Variants in KDM1B observed in about 807,000 individuals in gnomAD.
KDM1B encodes lysine-specific histone demethylase 2.
KDM1B carries 63 observed loss-of-function variants against 107.4 expected under a neutral mutation model. The ratio of observed to expected loss-of-function variants is 0.59; its 90% CI spans 0.48 to 0.72. The LOEUF is 0.72. KDM1B is among the 30% of genes least tolerant of loss of function. The pLI, the probability that KDM1B is intolerant of heterozygous loss-of-function variation, is 0.00. For synonymous variants in KDM1B, 363 were observed against 363.9 expected (o/e 1.00, Z 0.03); for missense variants, 749 against 1,020.8 (o/e 0.73, Z 3.63).
At position 18,200,781 on chromosome 6, in the gene KDM1B, A is replaced by G. The variant is rs1037632158; in HGVS notation, c.1359+205A>G. On this transcript the variant is annotated intron_variant, in intron 13 of 21. Coordinates refer to ENST00000650836, the MANE Select transcript of KDM1B (RefSeq NM_001364614.2). The surrounding 1 kb of genome is among the most constrained non-coding windows in gnomAD (Gnocchi z 4.3). ...ATACTTTTTTTCCTTTTTCTAAGCT[A>G]TTTAATTTTATTTCCTTGTTCTTTG... 1.3e-5 allele frequency among the ~76,000 whole-genome samples: 2 copies of G among 152,114 alleles called. No individual in the cohort carries two copies. The highest frequency in any genetic ancestry group is 4.8e-5 in the African/African-American group (2 of 41,428).
rs535288600 is a variant in KDM1B at position 18,212,438 on chromosome 6, T to C, written c.1867-50T>C. On this transcript the variant is annotated intron_variant, in intron 17 of 21. Transcript: ENST00000650836. The surrounding 1 kb of genome is among the most constrained non-coding windows in gnomAD (Gnocchi z 5.2). The stretch of plus-strand genomic sequence containing the variant: ...GTTGTTGATACCAGTGTAGTGGTAG[T>C]GTGAGGTTCTGTTGCTGTTTGTTTG... 1.9e-6 allele frequency: 2 copies of C among 1,038,422 alleles called. No individual in the cohort carries two copies. Among genetic ancestry groups the C allele is most frequent in the Non-Finnish European group, 3.1e-6 (2 of 654,694 alleles). 64.3% of individuals were successfully genotyped at this position (1,038,422 alleles called of 1,614,324 possible).
At chr6:18,202,223 GC>G (rs1329844136) in intron 14 of KDM1B, among the ~76,000 whole-genome samples, 1 of 147,034 alleles carries the variant, frequency 6.8e-6, no homozygotes, top group Admixed American at 6.7e-5. Flanking sequence ...AACATAGTGA[GC>G]CTTGTGTCTA....
In KDM1B at chr6:18,209,836, CAGTGACCTTTTCTGT is replaced by C. The variant is rs1197072641; in HGVS notation, c.1866+1632_1866+1646del. Among the ~76,000 whole-genome samples, 8 of 152,218 alleles carry C rather than the reference CAGTGACCTTTTCTGT, an allele frequency of 5.3e-5. No homozygotes were observed. The highest frequency in any genetic ancestry group is 1.9e-4 in the African/African-American group (8 of 41,456). ...CAGCCGTGGTTGAGAACCTTGTCTG[CAGTGACCTTTTCTGT>C]AAGCTCTTAATAGGTTTTGCCTGGT... is the stretch of plus-strand genomic sequence containing the variant. On this transcript the variant is annotated intron_variant, in intron 17 of 21. Coordinates refer to ENST00000650836, the MANE Select transcript of KDM1B (RefSeq NM_001364614.2). The surrounding 1 kb of genome is among the most constrained non-coding windows in gnomAD (Gnocchi z 4.3).
At chr6:18,184,317 C>T (rs1786688462) in intron 7 of KDM1B, among the ~76,000 whole-genome samples, 1 of 142,324 alleles carries the variant, frequency 7.0e-6, no homozygotes, top group Non-Finnish European at 1.5e-5. Flanking sequence ...CTTTGTCGCC[C>T]AGGCTGGAGT....
Position 18,162,671 on chromosome 6 carries a change from G to T in KDM1B, c.216-164G>T, listed in dbSNP as rs1160151539. On this transcript the variant is annotated intron_variant, in intron 4 of 21. Coordinates refer to ENST00000650836, the MANE Select transcript of KDM1B (RefSeq NM_001364614.2). The surrounding 1 kb of genome is among the most constrained non-coding windows in gnomAD (Gnocchi z 4.1). ...CTAAGTCCCTGCATCCTTCCTGTGTGTTATTATCTACTAGTAATCCATTCC... is the reference window on the plus strand; with the variant it reads ...CTAAGTCCCTGCATCCTTCCTGTGTTTTATTATCTACTAGTAATCCATTCC... 6.6e-6 allele frequency among the ~76,000 whole-genome samples: 1 copy of T among 152,144 alleles called. No individual in the cohort carries two copies. Among genetic ancestry groups the T allele is most frequent in the Non-Finnish European group, 1.5e-5 (1 of 68,034 alleles).
Position 18,208,126 on chromosome 6 carries a change from G to T in KDM1B, c.1792-6G>T. The T allele has an allele frequency of 6.2e-7, 1 of 1,610,492 alleles. No individual in the cohort carries two copies. Among genetic ancestry groups the T allele is most frequent in the South Asian group, 1.1e-5 (1 of 90,888 alleles). ...TCACTTTTTTTCATAATTGCTTTTT[G>T]AGCAGGTGCAGTGTATTGATTATTC... is the stretch of plus-strand genomic sequence containing the variant. On this transcript the variant is annotated splice_region_variant and splice_polypyrimidine_tract_variant and intron_variant, in intron 16 of 21. Coordinates refer to ENST00000650836, the MANE Select transcript of KDM1B (RefSeq NM_001364614.2).
chr6:18,185,060 G>A (rs1786763844), intron 7 of KDM1B, among the ~76,000 whole-genome samples: 1 of 151,908 alleles, frequency 6.6e-6, no homozygotes, highest in Non-Finnish European at 1.5e-5. Context: ...TACAAATAAT[G>A]CTCCTTTGAA....
intron 20 of KDM1B, among the ~76,000 whole-genome samples, chr6:18,217,406 T>G: frequency 7.0e-6 from 1 of 142,862 alleles, no homozygotes; most frequent in Non-Finnish European, 1.5e-5. Flanking sequence ...TGAGATGGAG[T>G]CTGGCTCTGT....
intron 7 of KDM1B, among the ~76,000 whole-genome samples, chr6:18,176,392 A>G (rs1786011827): frequency 6.6e-6 from 1 of 152,166 alleles, no homozygotes. Context: ...CGATCATATC[A>G]TCAGCAAACA....
chr6:18,194,344 G>A (rs1342837876), intron 10 of KDM1B, among the ~76,000 whole-genome samples: 1 of 152,132 alleles, frequency 6.6e-6, no homozygotes, highest in Non-Finnish European at 1.5e-5. Flanking sequence ...CAACCATCTT[G>A]TCAGTCACAA....
At chr6:18,192,738 CAAAA>C (rs534083654) in intron 10 of KDM1B, among the ~76,000 whole-genome samples, 7 of 125,216 alleles carry the variant, frequency 5.6e-5, no homozygotes, top group Non-Finnish European at 1.2e-4. Flanking sequence ...GATCCCGTCT[CAAAA>C]AAAAAAAAAT....
In KDM1B at chr6:18,197,049, A is replaced by G; in HGVS notation, c.970-8A>G. ...AAAAAAGCAGTTTGGTTTTATTTCCAAACACAGGAAGCTCTTACTCCTCAG... is the reference window on the plus strand; with the variant it reads ...AAAAAAGCAGTTTGGTTTTATTTCCGAACACAGGAAGCTCTTACTCCTCAG... On this transcript the variant is annotated splice_polypyrimidine_tract_variant and splice_region_variant and intron_variant, in intron 10 of 21. Transcript: ENST00000650836. This position sits in a 1 kb window ranked among gnomAD's most constrained non-coding sequence, Gnocchi z 4.5. The G allele has an allele frequency of 6.3e-7, 1 of 1,587,282 alleles. No homozygotes were observed. The highest frequency in any genetic ancestry group is 8.6e-7 in the Non-Finnish European group (1 of 1,163,006).
intron 20 of KDM1B, among the ~76,000 whole-genome samples, chr6:18,215,712 T>C (rs939307556): frequency 1.2e-4 from 19 of 152,108 alleles, no homozygotes; most frequent in Non-Finnish European, 2.2e-4. Context: ...CTTCCTTCCT[T>C]TTTTTCTTCT....
chr6:18,197,100 G>A lies in KDM1B; in HGVS notation c.1013G>A (p.Arg338Gln), dbSNP rs189561999. ...AAATGTATTCCTCACATCATCGTCC[G>A]GGGTCTCGTGCGTATTCGATGCGTT... ...PQKCIPHIIV[R>Q]GLVRIRCVQE... Residue 338 changes from arginine (R) to glutamine (Q), a missense_variant, in exon 11 of 22, where the codon CGG becomes CAG. Coordinates refer to ENST00000650836, the MANE Select transcript of KDM1B (RefSeq NM_001364614.2). The surrounding 1 kb of genome is among the most constrained non-coding windows in gnomAD (Gnocchi z 4.5). The A allele has an allele frequency of 5.0e-6, 8 of 1,613,852 alleles. No individual in the cohort carries two copies. The highest frequency in any genetic ancestry group is 4.5e-5 in the East Asian group (2 of 44,878).
Position 18,159,739 on chromosome 6 carries a change from CAAAAG to C in KDM1B, c.-13-135_-13-131del, listed in dbSNP as rs778128625. Reference sequence around the variant, plus strand: ...CCTGGGCAACATGGCAAGAATGTCTCAAAAGAAAAGAAAGAAAACTGTAGCTTTGT... The same window carrying C: ...CCTGGGCAACATGGCAAGAATGTCTCAAAAGAAAGAAAACTGTAGCTTTGT... On this transcript the variant is annotated intron_variant, in intron 2 of 21. Coordinates refer to ENST00000650836, the MANE Select transcript of KDM1B (RefSeq NM_001364614.2). This position sits in a 1 kb window ranked among gnomAD's most constrained non-coding sequence, Gnocchi z 4.5. 3.9e-4 allele frequency: 232 copies of C among 596,130 alleles called. No individual in the cohort carries two copies. Among genetic ancestry groups the C allele is most frequent in the Non-Finnish European group, 6.1e-4 (212 of 345,140 alleles). 36.9% of individuals were successfully genotyped at this position (596,130 alleles called of 1,614,324 possible).
At chr6:18,188,648 C>G (rs375530218) in intron 9 of KDM1B, among the ~76,000 whole-genome samples, 1 of 152,098 alleles carries the variant, frequency 6.6e-6, no homozygotes, top group African/African-American at 2.4e-5. Context: ...GAGTCTCACT[C>G]TGTTGCCCAG....
At chr6:18,221,728 T>C (rs1022013536) in intron 21 of KDM1B, among the ~76,000 whole-genome samples, 181 bp from the exon 22 acceptor site, 1 of 152,204 alleles carries the variant, frequency 6.6e-6, no homozygotes, top group Non-Finnish European at 1.5e-5. Flanking sequence ...ATGAGTGAAT[T>C]TGACAATGCA....
chr6:18,165,297 A>AT (rs1785225592), intron 5 of KDM1B, among the ~76,000 whole-genome samples: 3 of 151,312 alleles, frequency 2.0e-5, no homozygotes, highest in Non-Finnish European at 4.4e-5. Context: ...CACCTGGCTA[A>AT]TTTTTTGTAT....
In KDM1B at chr6:18,215,109, C is replaced by T. The variant is rs201261463; in HGVS notation, c.2212C>T (p.Arg738Trp). The T allele has an allele frequency of 5.8e-5, 93 of 1,613,056 alleles. No individual in the cohort carries two copies. The highest frequency in any genetic ancestry group is 7.0e-5 in the Non-Finnish European group (82 of 1,179,776). ...QVLQQCMATL[R>W]ELFKEQEVPD... is the part of the protein sequence containing the mutation. ...GCTGCAGCAGTGCATGGCCACGCTC[C>T]GGGAGCTGTTCAAGGAGCAGGTGAG... Residue 738 changes from arginine (R) to tryptophan (W), a missense_variant, in exon 20 of 22, where the codon CGG becomes TGG. Arg to Trp is a moderately radical substitution (Grantham distance 101). Coordinates refer to ENST00000650836, the MANE Select transcript of KDM1B (RefSeq NM_001364614.2).
Sources: allele counts gnomAD v4.1 joint callset (sites outside exome capture counted in the v4.1 genomes callset), GRCh38; gene constraint gnomAD v4.1.1; non-coding constraint Gnocchi (gnomAD v3.1); transcripts MANE v1.5; gene names NCBI Gene and HGNC (gene_info 2026-07-23, HGNC 2026-07-21).